The following SH2D7 variants were observed in gnomAD, a reference collection of about 807,000 sequenced individuals.
SH2D7 encodes the protein SH2 domain containing 7.
In SH2D7, 32 loss-of-function variants were observed where a neutral mutation model predicts 40.8. The ratio of observed to expected loss-of-function variants is 0.78; its 90% CI spans 0.59 to 1.05. The LOEUF (loss-of-function observed/expected upper bound fraction) is 1.05. SH2D7 is among the 50% of genes least tolerant of loss of function. The pLI, the probability that SH2D7 is intolerant of heterozygous loss-of-function variation, is 0.00. For missense variants in SH2D7, 559 were observed against 566.6 expected (o/e 0.99, Z 0.14); for synonymous variants, 195 against 221.5 (o/e 0.88, Z 1.06).
At chr15:78,102,954 G>A (rs771437907) in intron 5 of SH2D7, among the ~76,000 whole-genome samples, 1 of 152,130 alleles carries the variant, frequency 6.6e-6, no homozygotes, top group African/African-American at 2.4e-5. Flanking sequence ...CCTCAGGGCA[G>A]GGCTGTGCCC....
chr15:78,098,235 A>T lies in SH2D7; in HGVS notation c.432+141A>T. The T allele has an allele frequency of 2.2e-6, 3 of 1,390,064 alleles. No individual in the cohort carries two copies. The Admixed American group carries it at 6.9e-5, about 32-fold the overall frequency. The allele number at this position is 1,390,064 out of a possible 1,614,324, so 86.1% of individuals were successfully genotyped here. A position where few individuals can be genotyped will look rare whatever the true frequency, so the allele number is the denominator to read the frequency against. Reference sequence around the variant, plus strand: ...CACTTGGTGTGGGGTCATGATCCCTATTGGAAAAAGGGAGACTGTGGCAAT... The same window carrying T: ...CACTTGGTGTGGGGTCATGATCCCTTTTGGAAAAAGGGAGACTGTGGCAAT... On this transcript the variant is annotated intron_variant, in intron 3 of 5. Coordinates refer to ENST00000328828, the MANE Select transcript of SH2D7 (RefSeq NM_001101404.2).
At position 78,101,059 on chromosome 15, in the gene SH2D7, C is replaced by A. The variant is rs747886320; in HGVS notation, c.806C>A (p.Ala269Asp). 1 of 1,604,800 alleles carries A rather than the reference C, an allele frequency of 6.2e-7. No homozygotes were observed. The highest frequency in any genetic ancestry group is 8.5e-7 in the Non-Finnish European group (1 of 1,176,050). Residue 269 changes from alanine to aspartate, a missense_variant, in exon 5 of 6, where the codon GCT becomes GAT. Physicochemically the swap from Ala to Asp is moderately radical, Grantham distance 126. Transcript: ENST00000328828. ...TCCGGCAGGCATGGGCCAGTTCCAG[C>A]TGGCAGCCAGGCCTACTCCCCAGGC... ...EGSGRHGPVP[A>D]GSQAYSPGRE...
Position 78,103,582 on chromosome 15 carries a change from A to G in SH2D7, c.*67A>G. 2 of 1,533,734 alleles carry G rather than the reference A, an allele frequency of 1.3e-6. No homozygotes were observed. Among genetic ancestry groups the G allele is most frequent in the South Asian group, 2.4e-5 (2 of 83,562 alleles). On this transcript the variant is annotated 3_prime_UTR_variant, in exon 6 of 6. Coordinates refer to ENST00000328828, the MANE Select transcript of SH2D7 (RefSeq NM_001101404.2). The stretch of plus-strand genomic sequence containing the variant: ...CCAGGCCATGCCAGGGGTTATCGCA[A>G]AGGCCTCAGCTCACTTGAAGGCACC...
chr15:78,091,465 C>T (rs1030594770), upstream of SH2D7, among the ~76,000 whole-genome samples: 26 of 152,152 alleles, frequency 1.7e-4, no homozygotes, highest in Non-Finnish European at 1.5e-5. Flanking sequence ...TGAGACCCCA[C>T]GTCAGTCCCA....
chr15:78,097,577 C>T (rs565470239), intron 2 of SH2D7, among the ~76,000 whole-genome samples: 4 of 152,184 alleles, frequency 2.6e-5, no homozygotes, highest in African/African-American at 9.6e-5. Flanking sequence ...TTCTAAAATA[C>T]TGCGTTATTA....
In SH2D7 at chr15:78,092,603, C is replaced by CAGCT; in HGVS notation, c.20_23dup (p.Ser9AlafsTer8). 6.4e-7 allele frequency: 1 copy of CAGCT among 1,551,802 alleles called. No homozygotes were observed. Among genetic ancestry groups the CAGCT allele is most frequent in the South Asian group, 1.2e-5 (1 of 84,082 alleles). On this transcript the variant is annotated frameshift_variant, in exon 1 of 6. Transcript: ENST00000328828. LOFTEE classifies it high-confidence loss of function. ...TGCCAGCATGGAGGACAGCCTAAAG[C>CAGCT]AGCTCAGCCTGGGGAGAGATCCTGA...
rs1399523514 is a variant in SH2D7, at chr15:78,101,109, G to A, written c.856G>A (p.Asp286Asn). The change falls in exon 5 of 6, where the codon GAT becomes AAT. Residue 286 changes from aspartate to asparagine, a missense_variant. Asp to Asn is a conservative substitution (Grantham distance 23). Transcript: ENST00000328828. ...PGREAQRRLS[D>N]GEQNRPDGLG... ...CAGGGAGGCCCAAAGGAGACTCTCA[G>A]ATGGAGAACAGAACAGGCCTGATGG... is the stretch of plus-strand genomic sequence containing the variant. 2.5e-6 allele frequency: 4 copies of A among 1,573,492 alleles called. No individual in the cohort carries two copies. The highest frequency in any genetic ancestry group is 1.4e-5 in the African/African-American group (1 of 73,454).
rs1596342718 is a variant in SH2D7 at position 78,101,653 on chromosome 15, T to A, written c.1305+95T>A. On this transcript the variant is annotated intron_variant, in intron 5 of 5. Coordinates refer to ENST00000328828, the MANE Select transcript of SH2D7 (RefSeq NM_001101404.2). ...AGCCCCCAGGCATAGGCAGGTCAGG[T>A]CACCGCCACTGCCTGGAAGTACACA... is the stretch of plus-strand genomic sequence containing the variant. The A allele has an allele frequency of 3.7e-6, 5 of 1,357,806 alleles. No individual in the cohort carries two copies. In the Admixed American group the frequency reaches 1.1e-4, roughly 30 times the overall value. 84.1% of individuals were successfully genotyped at this position (1,357,806 alleles called of 1,614,324 possible).
chr15:78,098,344 C>T (rs753961794), intron 3 of SH2D7, 40 bp from the exon 4 acceptor site: 11 of 1,598,854 alleles, frequency 6.9e-6, no homozygotes, highest in Non-Finnish European at 8.5e-6. Flanking sequence ...ACTGGCTGGG[C>T]ATGTGTGACC....
chr15:78,093,578 G>A (rs1408736884), intron 1 of SH2D7, among the ~76,000 whole-genome samples: 4 of 152,234 alleles, frequency 2.6e-5, no homozygotes, highest in African/African-American at 9.6e-5. Context: ...GCACCATGTG[G>A]AAAATCTCTG....
In SH2D7 at chr15:78,092,701, C is replaced by T. The variant is rs913528619; in HGVS notation, c.117C>T (p.Ala39=). The T allele has an allele frequency of 6.2e-7, 1 of 1,600,114 alleles. No individual in the cohort carries two copies. The change falls in exon 1 of 6, where the codon GCC becomes GCT. Residue 39 remains alanine (A), a synonymous_variant. Coordinates refer to ENST00000328828, the MANE Select transcript of SH2D7 (RefSeq NM_001101404.2). ...TGAAGTGGTTCATGGAGACACAGGC[C>T]CCCTTCATTCTGCAGAACGGTGCCC... ...LALKWFMETQ[A]PFILQNGALP...
Position 78,092,670 on chromosome 15 carries a change from T to C in SH2D7, c.86T>C (p.Leu29Pro). The change falls in exon 1 of 6, where the codon CTT becomes CCT. Residue 29 changes from leucine (L) to proline (P), a missense_variant. Physicochemically the swap from Leu to Pro is moderately conservative, Grantham distance 98. Transcript: ENST00000328828. Reference sequence around the variant, plus strand: ...CAGGCCCTGGCTGAGCTCCAGGAGCTTGCCCTGAAGTGGTTCATGGAGACA... The same window carrying C: ...CAGGCCCTGGCTGAGCTCCAGGAGCCTGCCCTGAAGTGGTTCATGGAGACA... ...DSQALAELQE[L>P]ALKWFMETQA... 2 of 1,582,638 alleles carry C rather than the reference T, an allele frequency of 1.3e-6. No homozygotes were observed. The highest frequency in any genetic ancestry group is 1.7e-6 in the Non-Finnish European group (2 of 1,164,678).
At chr15:78,094,343 C>A in intron 2 of SH2D7, 142 bp downstream of exon 2, 1 of 718,904 alleles carries the variant, frequency 1.4e-6, no homozygotes, top group South Asian at 1.8e-5. Context: ...CCATCACATG[C>A]TCAGCAGACA....
intron 1 of SH2D7, 106 bp downstream of exon 1, chr15:78,092,866 C>G (rs1431807592): frequency 7.4e-7 from 1 of 1,351,960 alleles, no homozygotes; most frequent in African/African-American, 1.5e-5. Context: ...TTTCCCTGGG[C>G]TAGGCAGGGG....
chr15:78,092,859 C>A, intron 1 of SH2D7, 99 bp downstream of exon 1: 1 of 1,394,376 alleles, frequency 7.2e-7, no homozygotes, highest in East Asian at 2.5e-5. Flanking sequence ...CCCATCCTTT[C>A]CCTGGGCTAG....
In SH2D7 at chr15:78,100,846, GC is replaced by G. The variant is rs1453549063; in HGVS notation, c.646-52del. On this transcript the variant is annotated intron_variant, in intron 4 of 5. Transcript: ENST00000328828. ...TATCTGAGAGAGTTTTTACTGGAGG[GC>G]ATCTTAGTGATGGGCTGCCCCTTAA... is the stretch of plus-strand genomic sequence containing the variant. 1.1e-5 allele frequency: 17 copies of G among 1,578,404 alleles called. No individual in the cohort carries two copies. In the Admixed American group the frequency reaches 2.6e-4, roughly 24 times the overall value.
Position 78,097,660 on chromosome 15 carries a change from C to A in SH2D7, c.267-269C>A, listed in dbSNP as rs2073981588. Among the ~76,000 whole-genome samples the A allele has an allele frequency of 3.9e-5, 6 of 152,156 alleles. No individual in the cohort carries two copies. In the South Asian group the frequency reaches 1.2e-3, roughly 32 times the overall value. ...GATGAGTGCCTCACTTGCCTCACTC[C>A]AGTCACAGCCGTGCTCTCCCTGACT... On this transcript the variant is annotated intron_variant, in intron 2 of 5. Coordinates refer to ENST00000328828, the MANE Select transcript of SH2D7 (RefSeq NM_001101404.2).
chr15:78,096,583 C>T (rs1308429257), intron 2 of SH2D7, among the ~76,000 whole-genome samples: 1 of 152,120 alleles, frequency 6.6e-6, no homozygotes, highest in African/African-American at 2.4e-5. Context: ...GCAACCTCCG[C>T]CTCCAGGGTT....
chr15:78,103,363 G>A (rs2074029794), intron 5 of SH2D7, 102 bp from the exon 6 acceptor site: 1 of 1,377,788 alleles, frequency 7.3e-7, no homozygotes, highest in African/African-American at 1.5e-5. Flanking sequence ...CATGTCCTAG[G>A]CTTGGGCCCC....
Sources: gnomAD v4.1 joint callset for allele counts (sites outside exome capture counted in the v4.1 genomes callset) on GRCh38, gnomAD v4.1.1 for gene constraint, MANE v1.5 for transcripts, NCBI Gene and HGNC (gene_info 2026-07-23, HGNC 2026-07-21) for gene names.